The following AQP7B variants were observed in gnomAD, a reference collection of about 807,000 sequenced individuals.
AQP7B encodes aquaporin 7B, also known as putative aquaporin-7B.
chr2:94,601,873 C>T, the AQP7B span, among the ~76,000 whole-genome samples: 1 of 152,032 alleles, frequency 6.6e-6, no homozygotes, highest in African/African-American at 2.4e-5. Context: ...AGGTAGGCCC[C>T]TTCCCCTGTG....
At chr2:94,600,786 G>T in the AQP7B span, among the ~76,000 whole-genome samples, 77 of 152,148 alleles carry the variant, frequency 5.1e-4, 1 homozygote, top group South Asian at 9.8e-3. Context: ...GGCTAAGGCA[G>T]GAGAATCACT....
the AQP7B span, among the ~76,000 whole-genome samples, chr2:94,597,632 T>G: frequency 2.0e-5 from 3 of 151,744 alleles, no homozygotes; most frequent in East Asian, 3.9e-4. Context: ...TTTTGTTTTT[T>G]TTTTGAGATA....
At chr2:94,603,126 T>G in the AQP7B span, 1 of 1,556,560 alleles carries the variant, frequency 6.4e-7, no homozygotes, top group Non-Finnish European at 8.8e-7. Flanking sequence ...GCTGGGGCAG[T>G]TCCTGGGCTC....
At chr2:94,593,648 G>T in the AQP7B span, among the ~76,000 whole-genome samples, 3 of 152,060 alleles carry the variant, frequency 2.0e-5, no homozygotes, top group South Asian at 6.2e-4. Flanking sequence ...ACCACGCCTG[G>T]CTAATTTTGT....
the AQP7B span, among the ~76,000 whole-genome samples, chr2:94,601,865 G>A: frequency 6.6e-6 from 1 of 152,088 alleles, no homozygotes; most frequent in Non-Finnish European, 1.5e-5. Flanking sequence ...GGGCCTGAAG[G>A]TAGGCCCCTT....
At chr2:94,593,837 C>A in the AQP7B span, among the ~76,000 whole-genome samples, 1 of 152,070 alleles carries the variant, frequency 6.6e-6, no homozygotes, top group Non-Finnish European at 1.5e-5. Context: ...TCCCCAAACT[C>A]CAGTCCTATA....
the AQP7B span, among the ~76,000 whole-genome samples, chr2:94,590,998 T>C: frequency 2.1e-5 from 3 of 146,258 alleles, no homozygotes; most frequent in Non-Finnish European, 4.5e-5. Context: ...CAGGCGTTAG[T>C]GAGTTGTTAG....
chr2:94,599,248 C>T, the AQP7B span, among the ~76,000 whole-genome samples: 1 of 152,208 alleles, frequency 6.6e-6, no homozygotes, highest in East Asian at 1.9e-4. Flanking sequence ...CTCACTCCCC[C>T]CGGCACCCCC....
the AQP7B span, among the ~76,000 whole-genome samples, chr2:94,596,050 TGAG>T: frequency 1.3e-5 from 2 of 151,980 alleles, no homozygotes; most frequent in Non-Finnish European, 2.9e-5. Flanking sequence ...CAGAGAGGTG[TGAG>T]GAGAACCAGA....
At chr2:94,597,606 T>C in the AQP7B span, among the ~76,000 whole-genome samples, 13 of 150,522 alleles carry the variant, frequency 8.6e-5, no homozygotes, top group African/African-American at 3.2e-4. Context: ...TATCACAGTC[T>C]TTTTTGTTTT....
chr2:94,597,707 C>T, the AQP7B span, among the ~76,000 whole-genome samples: 2 of 150,946 alleles, frequency 1.3e-5, no homozygotes, highest in Admixed American at 6.6e-5. Context: ...CGGGTTCAAG[C>T]GATTCTTGCA....
the AQP7B span, among the ~76,000 whole-genome samples, chr2:94,596,480 G>C: frequency 4.5e-4 from 68 of 152,296 alleles, no homozygotes; most frequent in South Asian, 0.012. Flanking sequence ...GGCCCATGGA[G>C]CTCAAGGGAG....
At chr2:94,596,997 G>A in the AQP7B span, among the ~76,000 whole-genome samples, 2 of 152,264 alleles carry the variant, frequency 1.3e-5, no homozygotes, top group Admixed American at 1.3e-4. Context: ...ACCTCGCCTG[G>A]CCCACAACTT....
At chr2:94,591,822 T>C in the AQP7B span, among the ~76,000 whole-genome samples, 1 of 152,110 alleles carries the variant, frequency 6.6e-6, no homozygotes, top group Non-Finnish European at 1.5e-5. Context: ...AAATTTCTCT[T>C]TCTCTGGGAG....
At chr2:94,591,431 A>C in the AQP7B span, among the ~76,000 whole-genome samples, 3 of 152,070 alleles carry the variant, frequency 2.0e-5, no homozygotes, top group African/African-American at 7.2e-5. Flanking sequence ...TCTTGTGGCC[A>C]TTGGCACTGC....
At chr2:94,603,788 C>T in the AQP7B span, 1 of 1,533,126 alleles carries the variant, frequency 6.5e-7, no homozygotes. Flanking sequence ...CTGCCAGGAA[C>T]ACACGCGCTG....
At chr2:94,592,882 G>A in the AQP7B span, among the ~76,000 whole-genome samples, 2 of 141,338 alleles carry the variant, frequency 1.4e-5, no homozygotes, top group South Asian at 2.3e-4. Flanking sequence ...GGAGTGCAGT[G>A]GTGTGATCTC....
At chr2:94,598,158 G>A in the AQP7B span, among the ~76,000 whole-genome samples, 1 of 152,146 alleles carries the variant, frequency 6.6e-6, no homozygotes, top group Non-Finnish European at 1.5e-5. Context: ...AGCCTATATC[G>A]GATATTGTGT....
the AQP7B span, among the ~76,000 whole-genome samples, chr2:94,591,657 C>T: frequency 2.6e-4 from 39 of 152,280 alleles, no homozygotes; most frequent in East Asian, 6.4e-3. Flanking sequence ...CCCTCTCTGC[C>T]CATCTCATGC....
Sources: allele counts gnomAD v4.1 joint callset (sites outside exome capture counted in the v4.1 genomes callset), GRCh38; gene constraint gnomAD v4.1.1; transcripts MANE v1.5; gene names NCBI Gene and HGNC (gene_info 2026-07-23, HGNC 2026-07-21).